The following STXBP6 variants were observed in gnomAD, a reference collection of about 807,000 sequenced individuals.
STXBP6 encodes syntaxin-binding protein 6.
In STXBP6, 21 loss-of-function variants were observed where a neutral mutation model predicts 26.9. That is an observed-to-expected ratio of 0.78 (90% confidence interval 0.55 to 1.12). The LOEUF (loss-of-function observed/expected upper bound fraction) is 1.12, where lower values mean the gene tolerates loss of function less well. Ranked by LOEUF, STXBP6 falls within the 50% of genes most tolerant of loss-of-function variation. The probability of loss-of-function intolerance (pLI) is 0.00; values close to 1 mark genes in which losing one functional copy is unlikely to be tolerated. For synonymous variants in STXBP6, 97 were observed against 92.6 expected (o/e 1.05, Z -0.27); for missense variants, 232 against 257.9 (o/e 0.90, Z 0.69).
rs55810129 is a variant in STXBP6 at position 24,918,452 on chromosome 14, CCACACACACACACACACACACACACACA to C, written c.154+56185_154+56212del. Among the ~76,000 whole-genome samples the C allele has an allele frequency of 5.3e-3, 709 of 133,482 alleles. 3 individuals carry two copies. The highest frequency in any genetic ancestry group is 0.019 in the African/African-American group (674 of 35,922). The allele number at this position is 133,482 out of a possible 152,430, so 87.6% of individuals were successfully genotyped here. A position where few individuals can be genotyped will look rare whatever the true frequency, so the allele number is the denominator to read the frequency against. ...TTATTTCTTAAAAACCACACCCCCA[CCACACACACACACACACACACACACACA>C]CACACACACACACACACACACAGCA... On this transcript the variant is annotated intron_variant, in intron 2 of 5. Coordinates refer to ENST00000323944, the MANE Select transcript of STXBP6 (RefSeq NM_001394410.1).
At chr14:25,033,652 C>A (rs1410402955) in intron 1 of STXBP6, among the ~76,000 whole-genome samples, 1 of 152,186 alleles carries the variant, frequency 6.6e-6, no homozygotes, top group East Asian at 1.9e-4. Flanking sequence ...TCCTTCAGAT[C>A]TCAGCTCATC....
chr14:25,033,620 C>T (rs1566576389), intron 1 of STXBP6, among the ~76,000 whole-genome samples: 2 of 152,146 alleles, frequency 1.3e-5, no homozygotes, highest in East Asian at 3.9e-4. Context: ...ATGCCATCTC[C>T]CTCCCTCTTT....
At chr14:24,849,348 A>G (rs2069070621) in intron 4 of STXBP6, among the ~76,000 whole-genome samples, 1 of 152,150 alleles carries the variant, frequency 6.6e-6, no homozygotes, top group Non-Finnish European at 1.5e-5. Context: ...TAATTTACGG[A>G]GAACTTTCAA....
At chr14:24,926,340 G>A (rs1251404468) in intron 2 of STXBP6, among the ~76,000 whole-genome samples, 7 of 129,256 alleles carry the variant, frequency 5.4e-5, no homozygotes, top group South Asian at 2.6e-4. Context: ...TTCTGAAACC[G>A]CTTTTCCTGA....
chr14:24,836,566 T>C (rs1334632533), intron 4 of STXBP6, among the ~76,000 whole-genome samples: 1 of 127,776 alleles, frequency 7.8e-6, no homozygotes, highest in Non-Finnish European at 1.5e-5. Context: ...ACCACTGCAC[T>C]CTAGCTTGCC....
rs528747262 is a variant in STXBP6 at position 24,870,961 on chromosome 14, G to C, written c.155-13804C>G. ...ATTTTAAAAAACTAAGATGCTACAT[G>C]CTCATGGCCATCTTGTTATCTGCCA... On this transcript the variant is annotated intron_variant, in intron 2 of 5. Transcript: ENST00000323944. Among the ~76,000 whole-genome samples, 141 of 152,244 alleles carry C rather than the reference G, an allele frequency of 9.3e-4. 1 individual carries two copies. The highest frequency in any genetic ancestry group is 3.2e-3 in the African/African-American group (132 of 41,532).
At chr14:24,853,397 G>T (rs1257738388) in intron 4 of STXBP6, among the ~76,000 whole-genome samples, 1 of 152,052 alleles carries the variant, frequency 6.6e-6, no homozygotes, top group Admixed American at 6.6e-5. Flanking sequence ...CATTCACTAA[G>T]GTTATATGTG....
At chr14:24,895,758 C>G (rs1302599445) in intron 2 of STXBP6, among the ~76,000 whole-genome samples, 1 of 152,218 alleles carries the variant, frequency 6.6e-6, no homozygotes, top group Non-Finnish European at 1.5e-5. Context: ...AGGCAGCTCA[C>G]CTGGGCTGAC....
chr14:24,926,937 T>G (rs1252151605), intron 2 of STXBP6, among the ~76,000 whole-genome samples: 1 of 137,042 alleles, frequency 7.3e-6, no homozygotes, highest in Non-Finnish European at 1.6e-5. Flanking sequence ...CTGCTGCTAT[T>G]TAAAAAAAAA....
chr14:24,863,275 A>G (rs1041287956), intron 2 of STXBP6, among the ~76,000 whole-genome samples: 2 of 152,130 alleles, frequency 1.3e-5, no homozygotes, highest in African/African-American at 4.8e-5. Flanking sequence ...GTATAAATCC[A>G]TGAGGGAATG....
chr14:24,829,188 A>C (rs2068379463), intron 4 of STXBP6, among the ~76,000 whole-genome samples: 1 of 152,220 alleles, frequency 6.6e-6, no homozygotes, highest in African/African-American at 2.4e-5. Flanking sequence ...TAATGAAGAG[A>C]GAAATTAAAC....
chr14:24,921,826 C>T (rs1271250630), intron 2 of STXBP6, among the ~76,000 whole-genome samples: 2 of 151,456 alleles, frequency 1.3e-5, no homozygotes, highest in Admixed American at 6.6e-5. Flanking sequence ...GCTCAAAAGC[C>T]ACAACCCTTA....
intron 2 of STXBP6, among the ~76,000 whole-genome samples, chr14:24,953,031 A>T (rs557935674): frequency 6.6e-6 from 1 of 152,286 alleles, no homozygotes; most frequent in South Asian, 2.1e-4. Context: ...TTTCTACAGC[A>T]TTCCTTTTTG....
At chr14:24,912,991 A>C (rs1310738969) in intron 2 of STXBP6, among the ~76,000 whole-genome samples, 1 of 152,204 alleles carries the variant, frequency 6.6e-6, no homozygotes, top group Non-Finnish European at 1.5e-5. Context: ...TCTTACTTAC[A>C]TAATTATTCT....
At chr14:24,940,617 G>C (rs552370870) in intron 2 of STXBP6, among the ~76,000 whole-genome samples, 42 of 152,222 alleles carry the variant, frequency 2.8e-4, no homozygotes, top group African/African-American at 1.0e-3. Flanking sequence ...GAGACCTGTT[G>C]ACCTGGATGC....
At chr14:25,021,929 AC>A in intron 1 of STXBP6, among the ~76,000 whole-genome samples, 1 of 152,338 alleles carries the variant, frequency 6.6e-6, no homozygotes, top group Admixed American at 6.5e-5. Flanking sequence ...ATAACTGTCA[AC>A]AGATCCTAGG....
intron 2 of STXBP6, among the ~76,000 whole-genome samples, chr14:24,872,137 T>C (rs551794801): frequency 2.6e-5 from 4 of 152,290 alleles, no homozygotes; most frequent in African/African-American, 7.2e-5. Context: ...ACTTACTTTT[T>C]CAAACAGAAA....
chr14:24,873,819 A>T (rs928957649), intron 2 of STXBP6, among the ~76,000 whole-genome samples: 10 of 152,198 alleles, frequency 6.6e-5, no homozygotes, highest in Non-Finnish European at 8.8e-5. Flanking sequence ...GGTGTAGGAC[A>T]AGAATGCAGG....
chr14:25,016,934 A>G (rs1173995358), intron 1 of STXBP6, among the ~76,000 whole-genome samples: 8 of 152,204 alleles, frequency 5.3e-5, no homozygotes, highest in African/African-American at 1.9e-4. Context: ...GATAGAGGAA[A>G]TAGGAGAAAT....
Sources: allele counts gnomAD v4.1 joint callset (sites outside exome capture counted in the v4.1 genomes callset), GRCh38; gene constraint gnomAD v4.1.1; transcripts MANE v1.5; gene names NCBI Gene and HGNC (gene_info 2026-07-23, HGNC 2026-07-21).